CCN4: variants seen among roughly 807,000 people sequenced by gnomAD.
CCN4 encodes the protein cellular communication network factor 4.
A neutral mutation model predicts 36.7 loss-of-function variants in CCN4; 30 were observed. The observed-to-expected ratio is 0.82, with a 90% CI of 0.61 to 1.11. The LOEUF (loss-of-function observed/expected upper bound fraction) is 1.11. CCN4 is among the 50% of genes least tolerant of loss of function. The pLI, the probability that CCN4 is intolerant of heterozygous loss-of-function variation, is 0.00. For missense variants in CCN4, 505 were observed against 504.9 expected (o/e 1.00, Z 0.00); for synonymous variants, 191 against 195.4 (o/e 0.98, Z 0.19).
intron 1 of CCN4, among the ~76,000 whole-genome samples, chr8:133,194,756 AT>A (rs1853300129): frequency 5.4e-5 from 1 of 18,442 alleles, no homozygotes; most frequent in Non-Finnish European, 9.1e-5. Context: ...TTTGTGGGGT[AT>A]GTGCCTGGGG....
In CCN4 at chr8:133,216,627, G is replaced by A. The variant is rs140389673; in HGVS notation, c.349+3484G>A. On this transcript the variant is annotated intron_variant, in intron 2 of 4. Transcript: ENST00000250160. ...GGGTGACCTCTGAGTTACATCATTT[G>A]GCTATTTCAGTTGCACAAACACTAC... 2.2e-3 allele frequency among the ~76,000 whole-genome samples: 340 copies of A among 152,312 alleles called. 1 individual carries two copies. Among genetic ancestry groups the A allele is most frequent in the African/African-American group, 7.6e-3 (314 of 41,564 alleles).
At position 133,231,284 on chromosome 8, in the gene CCN4, G is replaced by A. The variant is rs1854953583; in HGVS notation, c.*3574G>A. On this transcript the variant is annotated 3_prime_UTR_variant, in exon 5 of 5. Coordinates refer to ENST00000250160, the MANE Select transcript of CCN4 (RefSeq NM_003882.4). The stretch of plus-strand genomic sequence containing the variant: ...CACAATGATAACCCTGCATATCTGG[G>A]AATCATAAGTCAACTATGTATCCCT... 6.6e-6 allele frequency: 1 copy of A among 152,068 alleles called. No individual in the cohort carries two copies. The highest frequency in any genetic ancestry group is 2.1e-4 in the South Asian group (1 of 4,814). The allele number at this position is 152,068 out of a possible 1,614,324, so 9.4% of individuals were successfully genotyped here.
At chr8:133,215,980 A>G (rs868800235) in intron 2 of CCN4, among the ~76,000 whole-genome samples, 8 of 143,550 alleles carry the variant, frequency 5.6e-5, no homozygotes, top group South Asian at 2.1e-4. Flanking sequence ...CCCACCCATT[A>G]CACTACACAC....
intron 2 of CCN4, among the ~76,000 whole-genome samples, chr8:133,213,952 G>T (rs1193068849): frequency 6.1e-4 from 1 of 1,628 alleles, no homozygotes; most frequent in Non-Finnish European, 3.6e-3. Flanking sequence ...ATATATAGTA[G>T]TTATATATAC....
Position 133,212,950 on chromosome 8 carries a change from A to T in CCN4, c.156A>T (p.Pro52=), listed in dbSNP as rs1292440038. 5 of 1,613,424 alleles carry T rather than the reference A, an allele frequency of 3.1e-6. No individual in the cohort carries two copies. The highest frequency in any genetic ancestry group is 2.2e-5 in the South Asian group (2 of 91,050). ...CACGCCCCCAATTCTGCAAGTGGCC[A>T]TGTGAGTGCCCGCCATCCCCACCCC... ...TSSRPQFCKW[P]CECPPSPPRC... The change falls in exon 2 of 5, where the codon CCA becomes CCT. Residue 52 remains proline (P), a synonymous_variant. Coordinates refer to ENST00000250160, the MANE Select transcript of CCN4 (RefSeq NM_003882.4).
At chr8:133,198,146 C>T (rs989352890) in intron 1 of CCN4, among the ~76,000 whole-genome samples, 3 of 152,166 alleles carry the variant, frequency 2.0e-5, no homozygotes, top group East Asian at 1.9e-4. Context: ...TTCCAAGAGT[C>T]CACTCATTCA....
intron 1 of CCN4, among the ~76,000 whole-genome samples, chr8:133,199,100 G>T (rs1853492696): frequency 6.6e-6 from 1 of 152,214 alleles, no homozygotes; most frequent in Admixed American, 6.5e-5. Flanking sequence ...GGGAGGAAAA[G>T]GAGGGAATTT....
chr8:133,213,701 A>T (rs1371129580), intron 2 of CCN4, among the ~76,000 whole-genome samples: 1 of 147,732 alleles, frequency 6.8e-6, no homozygotes, highest in East Asian at 2.0e-4. Flanking sequence ...GAAATATACT[A>T]TATATTCTAT....
chr8:133,209,449 C>T (rs556368539), intron 1 of CCN4, among the ~76,000 whole-genome samples: 1 of 152,298 alleles, frequency 6.6e-6, no homozygotes, highest in South Asian at 2.1e-4. Context: ...TAGATGGTGC[C>T]AATTGCAAAG....
chr8:133,220,444 T>G (rs983409585), intron 2 of CCN4, 137 bp from the exon 3 acceptor site: 1 of 1,303,174 alleles, frequency 7.7e-7, no homozygotes, highest in African/African-American at 1.5e-5. Flanking sequence ...GCCTTTGCCT[T>G]TGTGCCTCTG....
chr8:133,199,701 C>A (rs566403958), intron 1 of CCN4, among the ~76,000 whole-genome samples: 77 of 152,312 alleles, frequency 5.1e-4, no homozygotes, highest in South Asian at 1.0e-3. Flanking sequence ...CATACACATG[C>A]ACACACGCAC....
chr8:133,197,090 G>C (rs191913012), intron 1 of CCN4, among the ~76,000 whole-genome samples: 139 of 152,236 alleles, frequency 9.1e-4, no homozygotes, highest in South Asian at 1.0e-3. Context: ...TGATGATGAT[G>C]ATGGTGGTGG....
At chr8:133,225,054 T>C (rs190816066) in intron 3 of CCN4, among the ~76,000 whole-genome samples, 57 of 152,254 alleles carry the variant, frequency 3.7e-4, no homozygotes, top group South Asian at 2.1e-4. Context: ...ATTGTTCTAA[T>C]AGGGAGACAG....
intron 1 of CCN4, among the ~76,000 whole-genome samples, chr8:133,192,079 C>G (rs1375808809): frequency 6.6e-6 from 1 of 152,142 alleles, no homozygotes; most frequent in Non-Finnish European, 1.5e-5. Context: ...AGCTTCTGAG[C>G]CCCAGATTCC....
At chr8:133,226,528 G>T (rs754958) in intron 4 of CCN4, among the ~76,000 whole-genome samples, 3 of 151,928 alleles carry the variant, frequency 2.0e-5, no homozygotes, top group African/African-American at 7.3e-5. Flanking sequence ...TATTTTCTGC[G>T]CTTGGTATAC....
intron 1 of CCN4, among the ~76,000 whole-genome samples, chr8:133,195,822 C>G (rs1853361777): frequency 6.6e-6 from 1 of 152,246 alleles, no homozygotes; most frequent in African/African-American, 2.4e-5. Context: ...GCAAAGCACC[C>G]ACATGCCAGG....
At position 133,227,899 on chromosome 8, in the gene CCN4, G is replaced by GA; in HGVS notation, c.*190dup. On this transcript the variant is annotated 3_prime_UTR_variant, in exon 5 of 5. Transcript: ENST00000250160. Reference sequence around the variant, plus strand: ...GGCCCATGCTATGAGTTTTCTCCTTGATATCATTCAGCATCTACTCTAAAG... The same window carrying GA: ...GGCCCATGCTATGAGTTTTCTCCTTGAATATCATTCAGCATCTACTCTAAAG... 1.5e-6 allele frequency: 1 copy of GA among 648,308 alleles called. No individual in the cohort carries two copies. Among genetic ancestry groups the GA allele is most frequent in the Non-Finnish European group, 2.6e-6 (1 of 389,708 alleles). 40.2% of individuals were successfully genotyped at this position (648,308 alleles called of 1,614,324 possible). A position where few individuals can be genotyped will look rare whatever the true frequency, so the allele number is the denominator to read the frequency against.
At chr8:133,215,244 G>A (rs1037536539) in intron 2 of CCN4, among the ~76,000 whole-genome samples, 2 of 152,280 alleles carry the variant, frequency 1.3e-5, no homozygotes, top group Non-Finnish European at 2.9e-5. Context: ...TGAGGATCTA[G>A]TCCTTTAACA....
chr8:133,195,473 G>A (rs1853345359), intron 1 of CCN4, among the ~76,000 whole-genome samples: 1 of 152,020 alleles, frequency 6.6e-6, no homozygotes, highest in African/African-American at 2.4e-5. Flanking sequence ...CACACCTCCT[G>A]TTTAGAGTTG....
Sources: allele counts gnomAD v4.1 joint callset (sites outside exome capture counted in the v4.1 genomes callset), GRCh38; gene constraint gnomAD v4.1.1; transcripts MANE v1.5; gene names NCBI Gene and HGNC (gene_info 2026-07-23, HGNC 2026-07-21).